The following LDLRAD4 variants were observed in gnomAD, a reference collection of about 807,000 sequenced individuals.
The protein encoded by LDLRAD4 is low-density lipoprotein receptor class A domain-containing protein 4.
A neutral mutation model predicts 17.0 loss-of-function variants in LDLRAD4; 5 were observed. That is an observed-to-expected ratio of 0.29 (90% CI 0.15 to 0.62). The LOEUF (loss-of-function observed/expected upper bound fraction) is 0.62, where lower values mean the gene tolerates loss of function less well. Ranked by LOEUF, LDLRAD4 falls within the 20% of genes least tolerant of loss-of-function variation. The pLI is 0.84. For missense variants in LDLRAD4, 340 were observed against 424.7 expected (o/e 0.80, Z 1.75); for synonymous variants, 168 against 171.8 (o/e 0.98, Z 0.17).
At chr18:13,379,118 G>C (rs1024197603) in intron 1 of LDLRAD4, among the ~76,000 whole-genome samples, 1 of 152,246 alleles carries the variant, frequency 6.6e-6, no homozygotes, top group African/African-American at 2.4e-5. Context: ...CTGAGGCTCA[G>C]GGGCTTTAAG....
intron 3 of LDLRAD4, among the ~76,000 whole-genome samples, chr18:13,497,347 G>GT (rs1326611842): frequency 5.6e-5 from 6 of 106,656 alleles, no homozygotes; most frequent in Admixed American, 2.3e-4. Context: ...TAGCTAATTT[G>GT]TTTGTTTTTT....
At chr18:13,584,411 T>C (rs765915890) in intron 3 of LDLRAD4, among the ~76,000 whole-genome samples, 9 of 152,190 alleles carry the variant, frequency 5.9e-5, no homozygotes, top group Non-Finnish European at 1.0e-4. Context: ...GCTGTGATGA[T>C]TCTGTGATAG....
intron 3 of LDLRAD4, among the ~76,000 whole-genome samples, chr18:13,554,131 G>A (rs1351139050): frequency 3.3e-5 from 5 of 152,164 alleles, no homozygotes; most frequent in Non-Finnish European, 7.3e-5. Context: ...TACACAGTAG[G>A]CACTCTGCAA....
intron 3 of LDLRAD4, among the ~76,000 whole-genome samples, chr18:13,568,139 C>G (rs1409442116): frequency 6.6e-6 from 1 of 152,148 alleles, no homozygotes; most frequent in South Asian, 2.1e-4. Flanking sequence ...ACTAAAAACA[C>G]AAATATTAGA....
chr18:13,459,646 G>T (rs2092333735), intron 3 of LDLRAD4, among the ~76,000 whole-genome samples: 1 of 152,196 alleles, frequency 6.6e-6, no homozygotes, highest in Non-Finnish European at 1.5e-5. Context: ...GCCTCCCAAA[G>T]TGCTGGGATT....
intron 1 of LDLRAD4, among the ~76,000 whole-genome samples, chr18:13,339,488 A>G (rs1458734790): frequency 6.6e-6 from 1 of 152,204 alleles, no homozygotes; most frequent in Non-Finnish European, 1.5e-5. Flanking sequence ...GGCATGAGCC[A>G]CTGCACCCAG....
chr18:13,497,100 G>C (rs1351881537), intron 3 of LDLRAD4, among the ~76,000 whole-genome samples: 1 of 152,194 alleles, frequency 6.6e-6, no homozygotes, highest in Non-Finnish European at 1.5e-5. Flanking sequence ...CTCATAATGA[G>C]CATTCTCTAG....
At chr18:13,234,137 C>G (rs570682620) in intron 1 of LDLRAD4, among the ~76,000 whole-genome samples, 1 of 152,202 alleles carries the variant, frequency 6.6e-6, no homozygotes, top group Non-Finnish European at 1.5e-5. Flanking sequence ...GGCCTCTGAC[C>G]GGGTGCTGTC....
intron 3 of LDLRAD4, among the ~76,000 whole-genome samples, chr18:13,583,642 T>C (rs1243217192): frequency 6.6e-6 from 1 of 152,182 alleles, no homozygotes; most frequent in Admixed American, 6.5e-5. Context: ...TGCCAAAAGA[T>C]ATGAAGTTAG....
At chr18:13,525,680 A>C (rs966451715) in intron 3 of LDLRAD4, among the ~76,000 whole-genome samples, 1 of 152,142 alleles carries the variant, frequency 6.6e-6, no homozygotes, top group Non-Finnish European at 1.5e-5. Flanking sequence ...GAACATGAGC[A>C]GGAGAGCAGA....
At chr18:13,532,188 C>T (rs2094138701) in intron 3 of LDLRAD4, among the ~76,000 whole-genome samples, 1 of 152,186 alleles carries the variant, frequency 6.6e-6, no homozygotes, top group Non-Finnish European at 1.5e-5. Context: ...ATGCACCCCG[C>T]CGTGCATGCG....
At chr18:13,301,652 C>G (rs1314341234) in intron 1 of LDLRAD4, among the ~76,000 whole-genome samples, 1 of 152,252 alleles carries the variant, frequency 6.6e-6, no homozygotes, top group East Asian at 1.9e-4. Flanking sequence ...CTCATGCACT[C>G]TTTCCTGTCC....
intron 2 of LDLRAD4, among the ~76,000 whole-genome samples, chr18:13,430,631 A>T (rs986610779): frequency 2.9e-4 from 44 of 152,208 alleles, no homozygotes; most frequent in African/African-American, 9.6e-4. Context: ...GTCTGCATAG[A>T]CTCATTGAGC....
intron 1 of LDLRAD4, among the ~76,000 whole-genome samples, chr18:13,239,191 A>AAAAAG (rs200861008): frequency 1.3e-5 from 2 of 150,772 alleles, no homozygotes; most frequent in East Asian, 2.2e-4. Flanking sequence ...TGTCTCAAAA[A>AAAAAG]AAAAAAAAAA....
chr18:13,592,819 T>G (rs1289332218), intron 3 of LDLRAD4, among the ~76,000 whole-genome samples: 1 of 152,184 alleles, frequency 6.6e-6, no homozygotes, highest in East Asian at 1.9e-4. Flanking sequence ...TTCTATAAAT[T>G]GTAGTTCCCA....
intron 1 of LDLRAD4, among the ~76,000 whole-genome samples, chr18:13,292,904 G>A (rs1184794641): frequency 6.6e-6 from 1 of 152,212 alleles, no homozygotes; most frequent in Non-Finnish European, 1.5e-5. Flanking sequence ...CCAACCCCGG[G>A]GATGCCCGGA....
chr18:13,524,287 G>A (rs191877492), intron 3 of LDLRAD4, among the ~76,000 whole-genome samples: 1 of 152,286 alleles, frequency 6.6e-6, no homozygotes, highest in East Asian at 1.9e-4. Flanking sequence ...CCCTCACTTT[G>A]ATGTGTTATA....
intron 1 of LDLRAD4, among the ~76,000 whole-genome samples, chr18:13,268,875 T>C (rs1223157662): frequency 1.3e-5 from 2 of 152,254 alleles, no homozygotes; most frequent in East Asian, 3.8e-4. Context: ...AAAGTAGTGA[T>C]TTAAAAAATG....
At chr18:13,491,061 A>G (rs2093348303) in intron 3 of LDLRAD4, among the ~76,000 whole-genome samples, 2 of 152,136 alleles carry the variant, frequency 1.3e-5, no homozygotes, top group African/African-American at 4.8e-5. Context: ...TCTTCATGGT[A>G]GTGGGGGCTG....
Sources: gnomAD v4.1 joint callset for allele counts (sites outside exome capture counted in the v4.1 genomes callset) on GRCh38, gnomAD v4.1.1 for gene constraint, MANE v1.5 for transcripts, NCBI Gene and HGNC (gene_info 2026-07-23, HGNC 2026-07-21) for gene names.